The following HTR1E variants were observed in gnomAD, a reference collection of about 807,000 sequenced individuals.
HTR1E encodes the protein 5-HT-1E.
HTR1E carries 3 observed loss-of-function variants against 3.4 expected under a neutral mutation model. The ratio of observed to expected loss-of-function variants is 0.89; its 90% confidence interval spans 0.41 to 2.31. The LOEUF (loss-of-function observed/expected upper bound fraction) is 2.31, where lower values mean the gene tolerates loss of function less well. Among genes scored for constraint, HTR1E ranks in the 30% most tolerant of loss-of-function variants. The pLI, the probability that HTR1E is intolerant of heterozygous loss-of-function variation, is 0.05. For missense variants in HTR1E, 392 were observed against 467.0 expected (o/e 0.84, Z 1.48); for synonymous variants, 170 against 182.8 (o/e 0.93, Z 0.56).
chr6:87,009,987 C>T (rs1343638822), intron 1 of HTR1E, among the ~76,000 whole-genome samples: 16 of 126,954 alleles, frequency 1.3e-4, no homozygotes, highest in East Asian at 2.7e-4. Flanking sequence ...ACCTCCCAGA[C>T]GGGGTGGCTG....
At chr6:86,981,267 A>G (rs1476664201) in intron 1 of HTR1E, among the ~76,000 whole-genome samples, 1 of 152,220 alleles carries the variant, frequency 6.6e-6, no homozygotes, top group African/African-American at 2.4e-5. Flanking sequence ...TTTTAAACTT[A>G]TCTAGAGTGC....
intron 1 of HTR1E, among the ~76,000 whole-genome samples, chr6:87,010,468 C>G (rs1263474832): frequency 3.3e-5 from 5 of 149,542 alleles, no homozygotes; most frequent in Non-Finnish European, 4.5e-5. Context: ...ACCTCCCAGA[C>G]GGGGTCTCGG....
chr6:86,957,753 G>T (rs988354985), intron 1 of HTR1E, among the ~76,000 whole-genome samples: 5 of 152,156 alleles, frequency 3.3e-5, no homozygotes, highest in African/African-American at 9.7e-5. Context: ...GCATGAAAAG[G>T]TTTCAAAGAT....
intron 1 of HTR1E, among the ~76,000 whole-genome samples, chr6:86,956,600 G>T (rs532506339): frequency 6.6e-6 from 1 of 152,132 alleles, no homozygotes; most frequent in Non-Finnish European, 1.5e-5. Context: ...TGTAACTTCT[G>T]ACCCCCTAAA....
At chr6:86,979,329 A>G (rs1477337910) in intron 1 of HTR1E, among the ~76,000 whole-genome samples, 3 of 152,234 alleles carry the variant, frequency 2.0e-5, no homozygotes, top group Admixed American at 6.5e-5. Flanking sequence ...ATGTGTATAT[A>G]CTTTTCTGAA....
chr6:86,951,611 T>G (rs1285477500), intron 1 of HTR1E, among the ~76,000 whole-genome samples: 2 of 152,164 alleles, frequency 1.3e-5, no homozygotes, highest in African/African-American at 4.8e-5. Flanking sequence ...AGATATAATA[T>G]TTTGAACTGA....
chr6:87,005,477 A>T (rs1768088806), intron 1 of HTR1E, among the ~76,000 whole-genome samples: 1 of 152,202 alleles, frequency 6.6e-6, no homozygotes, highest in South Asian at 2.1e-4. Context: ...TGCTGAGAAC[A>T]TACATGAGGA....
chr6:86,980,861 G>GA (rs1461828901), intron 1 of HTR1E, among the ~76,000 whole-genome samples: 11 of 152,068 alleles, frequency 7.2e-5, no homozygotes, highest in African/African-American at 2.7e-4. Context: ...GAGTTGTTAT[G>GA]AACCTAAACT....
In HTR1E at chr6:86,949,893, T is replaced by C. The variant is rs200810290; in HGVS notation, c.-186+12070T>C. 2.6e-5 allele frequency among the ~76,000 whole-genome samples: 4 copies of C among 152,316 alleles called. No homozygotes were observed. In the East Asian group the frequency reaches 7.7e-4, roughly 29 times the overall value. On this transcript the variant is annotated intron_variant, in intron 1 of 1. Transcript: ENST00000305344. ...GCTCTTTGCAGAATGCTTGAATCAT[T>C]TGGCTCTTGGTTAGTAGGCTCCCGT...
At chr6:86,980,527 T>A (rs574938018) in intron 1 of HTR1E, among the ~76,000 whole-genome samples, 2 of 152,030 alleles carry the variant, frequency 1.3e-5, no homozygotes, top group African/African-American at 4.8e-5. Flanking sequence ...GAAATAGAGA[T>A]ATTTAGTTCC....
intron 1 of HTR1E, among the ~76,000 whole-genome samples, chr6:86,980,115 C>T (rs6454573): frequency 0.052 from 7,957 of 152,174 alleles, 265 homozygotes; most frequent in African/African-American, 0.089. Context: ...CGGCCAGGCG[C>T]GGTGGCTCAC....
At chr6:86,979,184 T>G (rs1256663889) in intron 1 of HTR1E, among the ~76,000 whole-genome samples, 1 of 152,220 alleles carries the variant, frequency 6.6e-6, no homozygotes, top group African/African-American at 2.4e-5. Flanking sequence ...TTTGCACAGT[T>G]TAGATTCATC....
At chr6:86,945,854 T>C (rs1339029010) in intron 1 of HTR1E, among the ~76,000 whole-genome samples, 1 of 152,060 alleles carries the variant, frequency 6.6e-6, no homozygotes, top group Non-Finnish European at 1.5e-5. Flanking sequence ...TTCTCCTGCC[T>C]CAGCCTCCCA....
chr6:87,010,134 C>G (rs1768188550), intron 1 of HTR1E, among the ~76,000 whole-genome samples: 1 of 123,738 alleles, frequency 8.1e-6, no homozygotes, highest in African/African-American at 3.2e-5. Flanking sequence ...GTAGGGGCGG[C>G]CGGGCAGAGG....
chr6:86,958,932 T>G (rs1767362615), intron 1 of HTR1E, among the ~76,000 whole-genome samples: 1 of 137,114 alleles, frequency 7.3e-6, no homozygotes, highest in African/African-American at 2.8e-5. Context: ...ACAGAACCAA[T>G]TGCACGTGTG....
At chr6:86,947,668 A>G (rs1370842917) in intron 1 of HTR1E, among the ~76,000 whole-genome samples, 1 of 151,970 alleles carries the variant, frequency 6.6e-6, no homozygotes, top group Non-Finnish European at 1.5e-5. Flanking sequence ...GGAGTATGTT[A>G]TATACTTTTC....
chr6:86,975,098 AC>A (rs1767611942), intron 1 of HTR1E, among the ~76,000 whole-genome samples: 1 of 152,190 alleles, frequency 6.6e-6, no homozygotes, highest in African/African-American at 2.4e-5. Context: ...TGCTCAGTGC[AC>A]AAAACTTAAA....
At chr6:86,995,688 G>GAAAAAAAAA (rs58476122) in intron 1 of HTR1E, among the ~76,000 whole-genome samples, 2 of 55,202 alleles carry the variant, frequency 3.6e-5, no homozygotes, top group Non-Finnish European at 3.8e-5. Context: ...AAAAAAAAAA[G>GAAAAAAAAA]AAAAAAAAAA....
intron 1 of HTR1E, among the ~76,000 whole-genome samples, chr6:86,973,172 C>T (rs999891878): frequency 6.6e-6 from 1 of 152,162 alleles, no homozygotes; most frequent in Non-Finnish European, 1.5e-5. Flanking sequence ...CCACCTTCTC[C>T]TTTTAAATCC....
Sources: gnomAD v4.1 joint callset for allele counts (sites outside exome capture counted in the v4.1 genomes callset) on GRCh38, gnomAD v4.1.1 for gene constraint, MANE v1.5 for transcripts, NCBI Gene and HGNC (gene_info 2026-07-23, HGNC 2026-07-21) for gene names.